The following DNM3 variants were observed in gnomAD, a reference collection of about 807,000 sequenced individuals.
DNM3 encodes dynamin 3, also known as dynamin-3.
In DNM3, 47 loss-of-function variants were observed where a neutral mutation model predicts 101.6. The observed-to-expected ratio is 0.46, with a 90% confidence interval of 0.37 to 0.59. DNM3 has a LOEUF of 0.59. Ranked by LOEUF, DNM3 falls within the 20% of genes least tolerant of loss-of-function variation. The probability of loss-of-function intolerance (pLI) is 0.00; values close to 1 mark genes in which losing one functional copy is unlikely to be tolerated. For missense variants in DNM3, 849 were observed against 1,085.7 expected, an observed-to-expected ratio of 0.78 and a Z score of 3.06; for synonymous variants, 385 against 387.9, an observed-to-expected ratio of 0.99 and a Z score of 0.09.
chr1:172,418,307 G>A (rs963425913), exon 21 of DNM3: 20 of 1,289,116 alleles, frequency 1.6e-5, no homozygotes, highest in Middle Eastern at 2.1e-4. Flanking sequence ...GTTCCAGGAC[G>A]ACCATCCTAA....
chr1:171,870,858 T>G (rs1384666589), intron 1 of DNM3, among the ~76,000 whole-genome samples: 4 of 152,142 alleles, frequency 2.6e-5, no homozygotes, highest in Non-Finnish European at 5.9e-5. Flanking sequence ...GAAGAGTTTA[T>G]GAAAGAAGTA....
rs1268352485 is a variant in DNM3 at position 172,048,695 on chromosome 1, G to C, written c.1280G>C (p.Ser427Thr). The change falls in exon 10 of 21, where the codon AGT becomes ACT. Residue 427 changes from serine to threonine, a missense_variant. By Grantham distance (58) the Ser-to-Thr change is moderately conservative. Coordinates refer to ENST00000627582, the MANE Select transcript of DNM3 (RefSeq NM_015569.5). ...AAGTTGAAAGGGCCTTCCTTGAAGA[G>C]TGTGGATCTGGTAATACAAGAATTA... Reference protein sequence around the residue: ...IVKLKGPSLKSVDLVIQELIN... With the variant: ...IVKLKGPSLKTVDLVIQELIN... 7 of 1,613,534 alleles carry C rather than the reference G, an allele frequency of 4.3e-6. No individual in the cohort carries two copies. The highest frequency in any genetic ancestry group is 5.9e-6 in the Non-Finnish European group (7 of 1,179,688).
chr1:172,057,103 G>A (rs572412370), intron 10 of DNM3, among the ~76,000 whole-genome samples: 1 of 152,210 alleles, frequency 6.6e-6, no homozygotes, highest in South Asian at 2.1e-4. Flanking sequence ...AGCAATGGAA[G>A]ATGAAGTGAA....
At chr1:172,119,622 C>T (rs72719075) in intron 13 of DNM3, among the ~76,000 whole-genome samples, 35,321 of 151,926 alleles carry the variant, frequency 0.23, 4,560 homozygotes, top group East Asian at 0.46. Flanking sequence ...TTTTTTCACA[C>T]CCACAGTTTT....
rs5778728 is a variant in DNM3 at position 172,256,905 on chromosome 1, G to GTT, written c.1769+3235_1769+3236dup. Among the ~76,000 whole-genome samples, 800 of 144,486 alleles carry GTT rather than the reference G, an allele frequency of 5.5e-3. 10 individuals carry two copies. The highest frequency in any genetic ancestry group is 0.046 in the East Asian group (233 of 5,048). 94.8% of individuals were successfully genotyped at this position (144,486 alleles called of 152,430 possible). On this transcript the variant is annotated intron_variant, in intron 15 of 20. Transcript: ENST00000627582. ...AGTTCTGTTTCCTATTCTTCATCATGTTTTTTTTTTTTTGAGCTATTTAAA... is the reference window on the plus strand; with the variant it reads ...AGTTCTGTTTCCTATTCTTCATCATGTTTTTTTTTTTTTTTGAGCTATTTAAA...
At chr1:172,194,335 C>T (rs2059862581) in intron 14 of DNM3, among the ~76,000 whole-genome samples, 1 of 152,108 alleles carries the variant, frequency 6.6e-6, no homozygotes, top group African/African-American at 2.4e-5. Flanking sequence ...AATGTATATT[C>T]TGTTGATTTG....
At chr1:172,071,225 G>C (rs1236448388) in intron 11 of DNM3, among the ~76,000 whole-genome samples, 1 of 150,986 alleles carries the variant, frequency 6.6e-6, no homozygotes, top group Non-Finnish European at 1.5e-5. Context: ...AAGGGAAATT[G>C]TTTTCAATCT....
intron 17 of DNM3, among the ~76,000 whole-genome samples, chr1:172,327,065 T>C (rs2065965942): frequency 6.6e-6 from 1 of 152,154 alleles, no homozygotes; most frequent in Non-Finnish European, 1.5e-5. Context: ...ATTTTAAAAT[T>C]GCTAATTAAA....
chr1:172,336,750 A>G (rs1178340237), intron 17 of DNM3, among the ~76,000 whole-genome samples: 2 of 151,292 alleles, frequency 1.3e-5, no homozygotes, highest in African/African-American at 2.4e-5. Flanking sequence ...TTTAACTGCA[A>G]CTGCACACCT....
intron 10 of DNM3, among the ~76,000 whole-genome samples, chr1:172,049,657 A>G (rs945619326): frequency 6.6e-5 from 10 of 152,162 alleles, no homozygotes; most frequent in African/African-American, 1.9e-4. Flanking sequence ...TAGCCCCCTG[A>G]CAGTTAACAC....
At chr1:172,092,201 G>A (rs560389983) in intron 12 of DNM3, among the ~76,000 whole-genome samples, 2 of 152,264 alleles carry the variant, frequency 1.3e-5, no homozygotes, top group South Asian at 4.2e-4. Flanking sequence ...CCAGAGTTGG[G>A]ACTCATACAT....
chr1:172,396,228 T>G (rs898785020), intron 20 of DNM3, among the ~76,000 whole-genome samples: 3 of 152,204 alleles, frequency 2.0e-5, no homozygotes, highest in African/African-American at 7.2e-5. Context: ...AAGAATAAAT[T>G]CTACCCAAGG....
intron 2 of DNM3, among the ~76,000 whole-genome samples, chr1:171,934,317 C>T (rs2041248404): frequency 6.6e-6 from 1 of 152,190 alleles, no homozygotes; most frequent in Non-Finnish European, 1.5e-5. Flanking sequence ...TTTAAGCATC[C>T]TTGCATTCCT....
chr1:172,031,462 A>C (rs1207349675), intron 4 of DNM3, among the ~76,000 whole-genome samples: 1 of 152,128 alleles, frequency 6.6e-6, no homozygotes, highest in Non-Finnish European at 1.5e-5. Context: ...GGGAGGCTTA[A>C]AACCTAGATG....
At chr1:172,344,870 A>G (rs2148967524) in intron 17 of DNM3, among the ~76,000 whole-genome samples, 1 of 152,382 alleles carries the variant, frequency 6.6e-6, no homozygotes, top group East Asian at 1.9e-4. Context: ...CATTACCAAC[A>G]TACATGTATA....
rs1321058722 is a variant in DNM3, at chr1:172,377,314, G to A, written c.1894-1704G>A. Reference sequence around the variant, plus strand: ...AGATCTATATAAAGTACATAGCACAGTACCTGGAATACAATATTTGCTCAA... The same window carrying A: ...AGATCTATATAAAGTACATAGCACAATACCTGGAATACAATATTTGCTCAA... On this transcript the variant is annotated intron_variant, in intron 17 of 20. Transcript: ENST00000627582. Among the ~76,000 whole-genome samples, 3 of 151,776 alleles carry A rather than the reference G, an allele frequency of 2.0e-5. No homozygotes were observed. The East Asian group carries it at 5.8e-4, about 29-fold the overall frequency.
chr1:171,907,560 C>T (rs1252269633), intron 1 of DNM3, among the ~76,000 whole-genome samples: 1 of 152,132 alleles, frequency 6.6e-6, no homozygotes, highest in Admixed American at 6.5e-5. Context: ...CATCACTCCC[C>T]ATTTCACATG....
At chr1:172,348,115 T>C (rs547427802) in intron 17 of DNM3, among the ~76,000 whole-genome samples, 30 of 152,140 alleles carry the variant, frequency 2.0e-4, no homozygotes, top group African/African-American at 5.3e-4. Flanking sequence ...GGGGGCTGAG[T>C]TGGCAGATGG....
At chr1:172,154,791 G>C (rs750787999) in intron 14 of DNM3, among the ~76,000 whole-genome samples, 4 of 152,000 alleles carry the variant, frequency 2.6e-5, no homozygotes, top group African/African-American at 4.8e-5. Context: ...ACTATGACAT[G>C]TGCTTCAGTT....
Sources: gnomAD v4.1 joint callset for allele counts (sites outside exome capture counted in the v4.1 genomes callset) on GRCh38, gnomAD v4.1.1 for gene constraint, MANE v1.5 for transcripts, NCBI Gene and HGNC (gene_info 2026-07-23, HGNC 2026-07-21) for gene names.